The following RPS6KA4 variants were observed in gnomAD, a reference collection of about 807,000 sequenced individuals.
RPS6KA4 encodes ribosomal protein S6 kinase A4, also known as ribosomal protein S6 kinase alpha-4.
A neutral mutation model predicts 89.6 loss-of-function variants in RPS6KA4; 38 were observed. The observed-to-expected ratio is 0.42, with a 90% CI of 0.33 to 0.56. The LOEUF (loss-of-function observed/expected upper bound fraction) is 0.56. RPS6KA4 is among the 20% of genes least tolerant of loss of function. RPS6KA4 has a pLI of 0.07. For synonymous variants in RPS6KA4, 495 were observed against 492.8 expected (o/e 1.00, Z -0.06); for missense variants, 873 against 1,098.8 (o/e 0.79, Z 2.90).
rs1254160868 is a variant in RPS6KA4 at position 64,369,891 on chromosome 11, C to G, written c.1795C>G (p.Leu599Val). 1.3e-6 allele frequency: 2 copies of G among 1,540,288 alleles called. No homozygotes were observed. The highest frequency in any genetic ancestry group is 4.0e-5 in the Admixed American group (2 of 49,956). ...CGACCTCTGGAGCCTGGGCGTCATT[C>G]TGGTATGGGACGCGGTCCTTGAGGC... is the stretch of plus-strand genomic sequence containing the variant. ...SCDLWSLGVI[L>V]YMMLSGQVPF... Residue 599 changes from leucine to valine, a missense_variant and splice_region_variant, in exon 14 of 17, where the codon CTG (leucine) becomes GTG (valine). This residue lies in a region of RPS6KA4 where 278 missense variants were observed against 284.8 expected (regional missense o/e 0.98). Coordinates refer to ENST00000334205, the MANE Select transcript of RPS6KA4 (RefSeq NM_003942.3).
chr11:64,361,536 C>T lies in RPS6KA4; in HGVS notation c.638C>T (p.Thr213Met), dbSNP rs781669147. The T allele has an allele frequency of 4.5e-5, 73 of 1,613,918 alleles. No individual in the cohort carries two copies. In the Admixed American group the frequency reaches 7.5e-4, roughly 17 times the overall value. The change falls in exon 6 of 17, where the codon ACG (threonine) becomes ATG (methionine). Residue 213 changes from threonine (T) to methionine (M), a missense_variant. Physicochemically the swap from Thr to Met is moderately conservative, Grantham distance 81. Around this residue, in one of 4 missense-constraint regions of RPS6KA4, gnomAD observed 542 missense variants for 736.4 expected, o/e 0.74. Transcript: ENST00000334205. The surrounding 1 kb of genome is among the most constrained non-coding windows in gnomAD (Gnocchi z 4.7). ...YMAPEIIRSK[T>M]GHGKAVDWWS... ...GCCCCCGAAATCATCCGTAGCAAGACGGGGCATGGCAAGGTAGGTTGGCAG... is the reference window on the plus strand; with the variant it reads ...GCCCCCGAAATCATCCGTAGCAAGATGGGGCATGGCAAGGTAGGTTGGCAG...
At chr11:64,364,611 C>T (rs967685767) in intron 8 of RPS6KA4, among the ~76,000 whole-genome samples, 1 of 152,120 alleles carries the variant, frequency 6.6e-6, no homozygotes, top group Non-Finnish European at 1.5e-5. Flanking sequence ...GAAACTATGT[C>T]CCTTGGTTCT....
Position 64,370,505 on chromosome 11 carries a change from C to G in RPS6KA4, c.1958-58C>G, listed in dbSNP as rs966101711. On this transcript the variant is annotated intron_variant, in intron 15 of 16. Coordinates refer to ENST00000334205, the MANE Select transcript of RPS6KA4 (RefSeq NM_003942.3). This position sits in a 1 kb window ranked among gnomAD's most constrained non-coding sequence, Gnocchi z 4.1. ...GAGGAGAGTGGGGCTGTTACGATCT[C>G]TTTGGGGCTCAGCCTTTACGCCAGG... 6.3e-7 allele frequency: 1 copy of G among 1,596,764 alleles called. No individual in the cohort carries two copies. The highest frequency in any genetic ancestry group is 8.5e-7 in the Non-Finnish European group (1 of 1,172,082).
Position 64,365,455 on chromosome 11 carries a change from G to T in RPS6KA4, c.1061G>T (p.Arg354Leu), listed in dbSNP as rs145356210. 1.9e-6 allele frequency: 3 copies of T among 1,613,672 alleles called. No homozygotes were observed. The highest frequency in any genetic ancestry group is 2.5e-6 in the Non-Finnish European group (3 of 1,179,998). Residue 354 changes from arginine (R) to leucine (L), a missense_variant, in exon 9 of 17, where the codon CGA (arginine) becomes CTA (leucine). Arg to Leu is a moderately radical substitution (Grantham distance 102). This residue lies in a region of RPS6KA4 where 542 missense variants were observed against 736.4 expected (regional missense o/e 0.74). Transcript: ENST00000334205. ...PPGSPPPGDP[R>L]IFQGYSFVAP... The stretch of plus-strand genomic sequence containing the variant: ...GGCAGCCCCCCACCTGGGGACCCCC[G>T]AATCTTTCAGGTGAGGGGAAACTCA...
intron 9 of RPS6KA4, among the ~76,000 whole-genome samples, 194 bp downstream of exon 9, chr11:64,365,659 T>C (rs1160950585): frequency 6.6e-6 from 1 of 152,190 alleles, no homozygotes; most frequent in Non-Finnish European, 1.5e-5. Flanking sequence ...GTGTGTTTGA[T>C]AGTTCATGGT....
In RPS6KA4 at chr11:64,359,373, C is replaced by T; in HGVS notation, c.56-5C>T. The T allele has an allele frequency of 6.2e-7, 1 of 1,613,172 alleles. No homozygotes were observed. The highest frequency in any genetic ancestry group is 8.5e-7 in the Non-Finnish European group (1 of 1,179,716). Reference sequence around the variant, plus strand: ...GCTGGGCTCATTCGCCCCCTGTGCCCACAGCCAACCTGACCGGGCACGAGG... The same window carrying T: ...GCTGGGCTCATTCGCCCCCTGTGCCTACAGCCAACCTGACCGGGCACGAGG... On this transcript the variant is annotated splice_polypyrimidine_tract_variant and splice_region_variant and intron_variant, in intron 1 of 16. Transcript: ENST00000334205.
chr11:64,369,365 G>A, intron 12 of RPS6KA4, 81 bp from the exon 13 acceptor site: 2 of 1,428,540 alleles, frequency 1.4e-6, no homozygotes, highest in Non-Finnish European at 1.8e-6. Context: ...GGGCCCGAAG[G>A]CCGGGGGCGG....
chr11:64,360,259 G>T lies in RPS6KA4; in HGVS notation c.224G>T (p.Arg75Leu). ...KVLRKAALVQ[R>L]AKTQEHTRTE... The stretch of plus-strand genomic sequence containing the variant: ...CTGCGCAAGGCGGCGCTGGTGCAGC[G>T]CGCCAAGACGCAAGAGCACACGCGC... Residue 75 changes from arginine (R) to leucine (L), a missense_variant, in exon 3 of 17, where the codon CGC becomes CTC. Arg to Leu is a moderately radical substitution (Grantham distance 102). Coordinates refer to ENST00000334205, the MANE Select transcript of RPS6KA4 (RefSeq NM_003942.3). 6.5e-7 allele frequency: 1 copy of T among 1,547,248 alleles called. No individual in the cohort carries two copies. Among genetic ancestry groups the T allele is most frequent in the Non-Finnish European group, 8.7e-7 (1 of 1,146,256 alleles).
intron 8 of RPS6KA4, among the ~76,000 whole-genome samples, chr11:64,364,097 C>T (rs977804659): frequency 6.6e-6 from 1 of 151,802 alleles, no homozygotes; most frequent in African/African-American, 2.4e-5. Context: ...GCCGCAGTGT[C>T]TTCACAGTGC....
chr11:64,371,442 GC>G lies in RPS6KA4; in HGVS notation c.2287del (p.Arg763AlafsTer21). ...CCGAGCCCCCGTCGCCTCCAAAGGGGCCCCCCGCCGAGCCAACGGCCCCCTG... is the reference window on the plus strand; with the variant it reads ...CCGAGCCCCCGTCGCCTCCAAAGGGGCCCCCGCCGAGCCAACGGCCCCCTG... ...PGRAPVASKG[A>X]PRRANGPLPP... On this transcript the variant is annotated frameshift_variant, in exon 17 of 17. Coordinates refer to ENST00000334205, the MANE Select transcript of RPS6KA4 (RefSeq NM_003942.3). LOFTEE classifies it high-confidence loss of function. The G allele has an allele frequency of 2.5e-6, 4 of 1,570,674 alleles. No homozygotes were observed. Among genetic ancestry groups the G allele is most frequent in the Non-Finnish European group, 3.5e-6 (4 of 1,157,520 alleles).
chr11:64,368,612 C>T lies in RPS6KA4; in HGVS notation c.1334+11C>T. Reference sequence around the variant, plus strand: ...GATCCTCAGTCGCAGGTGGGAGGGCCCAGGCGCGGGCAGGGGTGGGGGTGG... The same window carrying T: ...GATCCTCAGTCGCAGGTGGGAGGGCTCAGGCGCGGGCAGGGGTGGGGGTGG... On this transcript the variant is annotated intron_variant, in intron 11 of 16. Coordinates refer to ENST00000334205, the MANE Select transcript of RPS6KA4 (RefSeq NM_003942.3). 1 of 1,595,406 alleles carries T rather than the reference C, an allele frequency of 6.3e-7. No homozygotes were observed. Among genetic ancestry groups the T allele is most frequent in the Non-Finnish European group, 8.5e-7 (1 of 1,173,444 alleles).
At chr11:64,362,708 T>A (rs958619151) in intron 8 of RPS6KA4, among the ~76,000 whole-genome samples, 3 of 152,212 alleles carry the variant, frequency 2.0e-5, no homozygotes. Flanking sequence ...TTTCACTTTG[T>A]CTTCTGGGCT....
Position 64,361,348 on chromosome 11 carries a change from A to G in RPS6KA4, c.570+107A>G, listed in dbSNP as rs1160937658. 4 of 1,454,670 alleles carry G rather than the reference A, an allele frequency of 2.7e-6. No homozygotes were observed. The highest frequency in any genetic ancestry group is 4.1e-4 in the Middle Eastern group (2 of 4,930). 90.1% of individuals were successfully genotyped at this position (1,454,670 alleles called of 1,614,324 possible). Reference sequence around the variant, plus strand: ...GGGGCTGCAGAAGTGAATAGCTCCAAGAAGTTTCCACAGCTCAGCTCTCCA... The same window carrying G: ...GGGGCTGCAGAAGTGAATAGCTCCAGGAAGTTTCCACAGCTCAGCTCTCCA... On this transcript the variant is annotated intron_variant, in intron 5 of 16. Coordinates refer to ENST00000334205, the MANE Select transcript of RPS6KA4 (RefSeq NM_003942.3). The surrounding 1 kb of genome is among the most constrained non-coding windows in gnomAD (Gnocchi z 4.7).
rs746548859 is a variant in RPS6KA4 at position 64,361,789 on chromosome 11, C to T, written c.755+44C>T. On this transcript the variant is annotated intron_variant, in intron 7 of 16. Transcript: ENST00000334205. This position sits in a 1 kb window ranked among gnomAD's most constrained non-coding sequence, Gnocchi z 4.7. ...GGAGGGCGGCCAGAGGGCTGCAGGG[C>T]CTGCCTGGGCAGGGCTGTGGGTGGG... The T allele has an allele frequency of 1.9e-6, 3 of 1,584,776 alleles. No individual in the cohort carries two copies. The African/African-American group carries it at 4.1e-5, about 22-fold the overall frequency.
Position 64,370,727 on chromosome 11 carries a change from G to GT in RPS6KA4, c.2121+2dup. On this transcript the variant is annotated splice_donor_variant, in intron 16 of 16. Transcript: ENST00000334205. LOFTEE classifies it high-confidence loss of function. This position sits in a 1 kb window ranked among gnomAD's most constrained non-coding sequence, Gnocchi z 4.1. ...CTCGGGTCTCAACGCCACCTTCATG[G>GT]TAAGGGGCAGGGTCTGTTGAAGGGA... The GT allele has an allele frequency of 6.5e-7, 1 of 1,544,088 alleles. No individual in the cohort carries two copies.
At chr11:64,369,361 G>C in intron 12 of RPS6KA4, 85 bp from the exon 13 acceptor site, 1 of 1,413,988 alleles carries the variant, frequency 7.1e-7, no homozygotes, top group Non-Finnish European at 9.3e-7. Flanking sequence ...GGCAGGGCCC[G>C]AAGGCCGGGG....
chr11:64,361,283 C>T lies in RPS6KA4; in HGVS notation c.570+42C>T. ...TCTGCCTGCAGTGCCCCATTCAATC[C>T]TTCTCCTTCCTGCCTCTTCCTGCTC... On this transcript the variant is annotated intron_variant, in intron 5 of 16. Transcript: ENST00000334205. The surrounding 1 kb of genome is among the most constrained non-coding windows in gnomAD (Gnocchi z 4.7). The T allele has an allele frequency of 1.9e-6, 3 of 1,555,240 alleles. No individual in the cohort carries two copies. Among genetic ancestry groups the T allele is most frequent in the Non-Finnish European group, 2.7e-6 (3 of 1,129,642 alleles).
chr11:64,365,357 A>C lies in RPS6KA4; in HGVS notation c.963A>C (p.Gln321His). ...AGATTCCAGCCCCATTCCGGCCCCA[A>C]ATCCGCTCAGAGCTGGATGTGGGCA... ...ARKIPAPFRPQIRSELDVGNF... is the reference protein window; with the variant it reads ...ARKIPAPFRPHIRSELDVGNF... The change falls in exon 9 of 17, where the codon CAA (glutamine) becomes CAC (histidine). Residue 321 changes from glutamine (Q) to histidine (H), a missense_variant. By Grantham distance (24) the Gln-to-His change is conservative (BLOSUM62 0). Transcript: ENST00000334205. 1 of 1,614,036 alleles carries C rather than the reference A, an allele frequency of 6.2e-7. No homozygotes were observed. Among genetic ancestry groups the C allele is most frequent in the Non-Finnish European group, 8.5e-7 (1 of 1,179,976 alleles).
In RPS6KA4 at chr11:64,368,475, C is replaced by A; in HGVS notation, c.1208C>A (p.Pro403His). ...VARSAMMQDS[P>H]FFQQYELDLR... ...CTTCGCCTTCGCCTCCAGGACTCGC[C>A]CTTCTTCCAGCAGTACGAGCTGGAC... The change falls in exon 11 of 17, where the codon CCC (proline) becomes CAC (histidine). Residue 403 changes from proline to histidine, a missense_variant. This residue lies in a region of RPS6KA4 where 542 missense variants were observed against 736.4 expected (regional missense o/e 0.74). Coordinates refer to ENST00000334205, the MANE Select transcript of RPS6KA4 (RefSeq NM_003942.3). 1 of 1,552,780 alleles carries A rather than the reference C, an allele frequency of 6.4e-7. No individual in the cohort carries two copies. Among genetic ancestry groups the A allele is most frequent in the South Asian group, 1.2e-5 (1 of 84,296 alleles).
Sources: allele counts gnomAD v4.1 joint callset (sites outside exome capture counted in the v4.1 genomes callset), GRCh38; gene constraint gnomAD v4.1.1; regional missense constraint gnomAD v4.1.1; non-coding constraint Gnocchi (gnomAD v3.1); transcripts MANE v1.5; gene names NCBI Gene and HGNC (gene_info 2026-07-23, HGNC 2026-07-21).